SLC9D1: variants seen among roughly 807,000 people sequenced by gnomAD.
SLC9D1 encodes solute carrier family 9 member D1.
the SLC9D1 span, among the ~76,000 whole-genome samples, chr13:113,522,591 C>T: frequency 5.9e-5 from 9 of 152,254 alleles, no homozygotes; most frequent in East Asian, 3.9e-4. Context: ...CTACCCACCT[C>T]GGCCTCCCAA....
chr13:113,523,357 T>C, the SLC9D1 span, among the ~76,000 whole-genome samples: 1 of 152,206 alleles, frequency 6.6e-6, no homozygotes, highest in South Asian at 2.1e-4. Flanking sequence ...ATTCAGAATA[T>C]CTACTTCATA....
chr13:113,501,657 CGG>C, the SLC9D1 span: 2 of 934,364 alleles, frequency 2.1e-6, no homozygotes, highest in Admixed American at 4.8e-5. Context: ...CAGGTGAAAT[CGG>C]GGAACTACGT....
chr13:113,530,992 A>G, the SLC9D1 span, among the ~76,000 whole-genome samples: 62,246 of 151,972 alleles, frequency 0.41, 14,402 homozygotes, highest in African/African-American at 0.63. Context: ...GAAGTGGGGT[A>G]CCTTGGGCAT....
chr13:113,517,187 G>T, the SLC9D1 span, among the ~76,000 whole-genome samples: 1 of 152,166 alleles, frequency 6.6e-6, no homozygotes, highest in Non-Finnish European at 1.5e-5. Flanking sequence ...AAATGCAAGC[G>T]AGGGGAAAGG....
At chr13:113,543,876 C>G in the SLC9D1 span, among the ~76,000 whole-genome samples, 1 of 152,090 alleles carries the variant, frequency 6.6e-6, no homozygotes, top group Non-Finnish European at 1.5e-5. Flanking sequence ...TGTTTTTGCT[C>G]TAGTTTTTGG....
chr13:113,503,916 A>G, the SLC9D1 span: 1 of 230,964 alleles, frequency 4.3e-6, no homozygotes, highest in African/African-American at 2.3e-5. Flanking sequence ...GAGCTTGCAT[A>G]TTCAGTGTGT....
chr13:113,510,911 A>C, the SLC9D1 span, among the ~76,000 whole-genome samples: 1 of 152,054 alleles, frequency 6.6e-6, no homozygotes, highest in Non-Finnish European at 1.5e-5. Context: ...TGCCGCTTCT[A>C]AGTCGTGACT....
the SLC9D1 span, chr13:113,495,838 A>C: frequency 6.2e-7 from 1 of 1,614,086 alleles, no homozygotes; most frequent in African/African-American, 1.3e-5. Context: ...GGCCTGTCGG[A>C]TGAAGAGAAA....
At chr13:113,516,527 C>G in the SLC9D1 span, among the ~76,000 whole-genome samples, 9 of 149,512 alleles carry the variant, frequency 6.0e-5, no homozygotes, top group African/African-American at 2.2e-4. Context: ...GTTCACACCA[C>G]TGCACTCCAG....
the SLC9D1 span, chr13:113,536,551 C>A: frequency 1.0e-6 from 1 of 984,568 alleles, no homozygotes; most frequent in Non-Finnish European, 1.2e-6. Flanking sequence ...TAACTCCCAG[C>A]AGAATTGTCT....
At chr13:113,510,529 T>C in the SLC9D1 span, 1 of 1,083,330 alleles carries the variant, frequency 9.2e-7, no homozygotes, top group Non-Finnish European at 1.4e-6. Flanking sequence ...AAAGTCTTAT[T>C]TCCCCTCTTA....
the SLC9D1 span, chr13:113,495,462 A>T: frequency 4.3e-6 from 3 of 694,364 alleles, no homozygotes; most frequent in Admixed American, 7.7e-5. Context: ...AATAGTAATG[A>T]ATCATTGTTT....
At chr13:113,531,660 G>T in the SLC9D1 span, among the ~76,000 whole-genome samples, 1 of 151,122 alleles carries the variant, frequency 6.6e-6, no homozygotes, top group Non-Finnish European at 1.5e-5. Context: ...AGCAGCACGC[G>T]TGTGGACCTG....
the SLC9D1 span, among the ~76,000 whole-genome samples, chr13:113,495,006 A>G: frequency 6.6e-6 from 1 of 152,258 alleles, no homozygotes; most frequent in East Asian, 1.9e-4. Context: ...CTGGGATTAC[A>G]GGCGTGCGCC....
the SLC9D1 span, chr13:113,528,833 A>G: frequency 6.6e-6 from 1 of 152,254 alleles, no homozygotes; most frequent in Non-Finnish European, 1.5e-5. Context: ...CCACATCGGA[A>G]TCAGTTCTTA....
the SLC9D1 span, among the ~76,000 whole-genome samples, chr13:113,537,327 T>TC: frequency 6.6e-6 from 1 of 152,104 alleles, no homozygotes; most frequent in African/African-American, 2.4e-5. Context: ...CGCTCAGTTC[T>TC]CCCCCCAGCT....
At chr13:113,523,095 G>T in the SLC9D1 span, among the ~76,000 whole-genome samples, 1 of 150,534 alleles carries the variant, frequency 6.6e-6, no homozygotes, top group African/African-American at 2.5e-5. Flanking sequence ...AACTTCATGA[G>T]AGATATTGGT....
At chr13:113,512,511 A>G in the SLC9D1 span, among the ~76,000 whole-genome samples, 1 of 151,548 alleles carries the variant, frequency 6.6e-6, no homozygotes, top group African/African-American at 2.4e-5. Context: ...GTTGGAGTGT[A>G]GACGGAGAGG....
At chr13:113,499,364 A>G in the SLC9D1 span, among the ~76,000 whole-genome samples, 2 of 152,174 alleles carry the variant, frequency 1.3e-5, no homozygotes, top group Non-Finnish European at 2.9e-5. Context: ...GTGACTAAGA[A>G]TGCCTGTCCC....
Sources: gnomAD v4.1 joint callset for allele counts (sites outside exome capture counted in the v4.1 genomes callset) on GRCh38, gnomAD v4.1.1 for gene constraint, MANE v1.5 for transcripts, NCBI Gene and HGNC (gene_info 2026-07-23, HGNC 2026-07-21) for gene names.